The following SEC23B variants were observed in gnomAD, a reference collection of about 807,000 sequenced individuals.
The protein encoded by SEC23B is protein transport protein Sec23B.
SEC23B carries 77 observed loss-of-function variants against 104.3 expected under a neutral mutation model. The ratio of observed to expected loss-of-function variants is 0.74; its 90% CI spans 0.61 to 0.89. The LOEUF (loss-of-function observed/expected upper bound fraction) is 0.89. Ranked by LOEUF, SEC23B falls within the 40% of genes least tolerant of loss-of-function variation. SEC23B has a pLI of 0.00. For missense variants in SEC23B, 885 were observed against 949.4 expected, an observed-to-expected ratio of 0.93 and a Z score of 0.89; for synonymous variants, 338 against 332.5, an observed-to-expected ratio of 1.02 and a Z score of -0.18.
Position 18,517,555 on chromosome 20 carries a change from C to T in SEC23B, c.366+1819C>T, listed in dbSNP as rs138524274. Among the ~76,000 whole-genome samples the T allele has an allele frequency of 2.0e-4, 31 of 152,262 alleles. No homozygotes were observed. The East Asian group carries it at 6.0e-3, about 29-fold the overall frequency. On this transcript the variant is annotated intron_variant, in intron 4 of 19. Transcript: ENST00000650089. ...GCTTGGGTTCAGAGGCCTGACATTC[C>T]TGTGTTGTTATATTAATAAGAAAAG...
chr20:18,553,884 A>T (rs1264996592), intron 17 of SEC23B, among the ~76,000 whole-genome samples: 1 of 152,170 alleles, frequency 6.6e-6, no homozygotes, highest in East Asian at 1.9e-4. Context: ...TCCTTACCAG[A>T]TGTGCGGAGA....
At chr20:18,529,595 A>G (rs910423865) in intron 9 of SEC23B, among the ~76,000 whole-genome samples, 7 of 152,206 alleles carry the variant, frequency 4.6e-5, no homozygotes, top group Non-Finnish European at 8.8e-5. Flanking sequence ...CTGTGGCTCA[A>G]GACAGTTGCT....
In SEC23B at chr20:18,554,883, T is replaced by TA. The variant is rs369821255; in HGVS notation, c.2149-221dup. 3.4e-3 allele frequency among the ~76,000 whole-genome samples: 520 copies of TA among 151,432 alleles called. 2 individuals carry two copies. Among genetic ancestry groups the TA allele is most frequent in the African/African-American group, 0.012 (500 of 41,334 alleles). On this transcript the variant is annotated intron_variant, in intron 18 of 19. Transcript: ENST00000650089. ...TGCTTATGTAAAGGGATTGCCAAGATAAAATACATATTTTATGTTTTAGGA... is the reference window on the plus strand; with the variant it reads ...TGCTTATGTAAAGGGATTGCCAAGATAAAAATACATATTTTATGTTTTAGGA...
At chr20:18,538,727 TTATGTAA>T (rs2060259676) in intron 12 of SEC23B, among the ~76,000 whole-genome samples, 1 of 152,182 alleles carries the variant, frequency 6.6e-6, no homozygotes, top group Admixed American at 6.5e-5. Context: ...TCAACTAAGT[TTATGTAA>T]TATTGTAAAT....
intron 11 of SEC23B, 49 bp downstream of exon 11, chr20:18,532,793 C>T (rs191172997): frequency 5.2e-5 from 70 of 1,359,014 alleles, no homozygotes; most frequent in African/African-American, 4.1e-4. Context: ...GGATTTAACC[C>T]GTCAGAAGTG....
intron 19 of SEC23B, among the ~76,000 whole-genome samples, chr20:18,560,378 C>A (rs1022273372): frequency 6.6e-6 from 1 of 152,104 alleles, no homozygotes; most frequent in Non-Finnish European, 1.5e-5. Flanking sequence ...GGTACTTCAT[C>A]AGGACTATGG....
intron 4 of SEC23B, 87 bp downstream of exon 4, chr20:18,515,823 C>T (rs1275271258): frequency 1.4e-5 from 12 of 880,796 alleles, no homozygotes; most frequent in South Asian, 5.4e-5. Flanking sequence ...CTTACCTGGG[C>T]AGGGGACTTA....
At chr20:18,552,379 G>A (rs1480036713) in intron 17 of SEC23B, among the ~76,000 whole-genome samples, 3 of 152,224 alleles carry the variant, frequency 2.0e-5, no homozygotes, top group Non-Finnish European at 2.9e-5. Flanking sequence ...CTGAGAGCCG[G>A]ATGACCAGCT....
intron 4 of SEC23B, chr20:18,516,115 C>T (rs918660723): frequency 2.4e-4 from 60 of 245,020 alleles, no homozygotes; most frequent in Non-Finnish European, 3.8e-4. Flanking sequence ...ATCCAGAATC[C>T]ACCCACTTCC....
intron 11 of SEC23B, 120 bp from the exon 12 acceptor site, chr20:18,535,533 G>T: frequency 1.4e-6 from 1 of 717,400 alleles, no homozygotes. Flanking sequence ...CAACTTAAAT[G>T]TTCTCCTAAA....
chr20:18,517,455 CTTCTT>C (rs2060039801), intron 4 of SEC23B, among the ~76,000 whole-genome samples: 1 of 152,186 alleles, frequency 6.6e-6, no homozygotes, highest in South Asian at 2.1e-4. Flanking sequence ...GCTATTTTCA[CTTCTT>C]TTGTGAATTT....
At chr20:18,559,311 C>A (rs2060471316) in intron 19 of SEC23B, among the ~76,000 whole-genome samples, 1 of 152,172 alleles carries the variant, frequency 6.6e-6, no homozygotes, top group Non-Finnish European at 1.5e-5. Context: ...TCTGAGGCCA[C>A]CCCAGTAGGC....
intron 12 of SEC23B, among the ~76,000 whole-genome samples, chr20:18,538,311 A>G (rs1418518344): frequency 1.4e-5 from 2 of 143,154 alleles, no homozygotes; most frequent in African/African-American, 5.2e-5. Context: ...GTGCAGTGGC[A>G]TGATCTTGGC....
intron 4 of SEC23B, among the ~76,000 whole-genome samples, chr20:18,523,714 T>C (rs562793986): frequency 6.6e-6 from 1 of 151,724 alleles, no homozygotes; most frequent in South Asian, 2.1e-4. Flanking sequence ...TTTTCTTTTT[T>C]TTTTTTTTAA....
chr20:18,510,639 G>A (rs760210943), intron 1 of SEC23B, among the ~76,000 whole-genome samples, 183 bp from the exon 2 acceptor site: 2 of 152,152 alleles, frequency 1.3e-5, no homozygotes, highest in South Asian at 2.1e-4. Context: ...GGTGGCACAG[G>A]CTTGTAATCC....
chr20:18,514,757 AGT>A lies in SEC23B; in HGVS notation c.280-892_280-891del, dbSNP rs529716774. On this transcript the variant is annotated intron_variant, in intron 3 of 19. Coordinates refer to ENST00000650089, the MANE Select transcript of SEC23B (RefSeq NM_006363.6). Reference sequence around the variant, plus strand: ...TATGGGATGTTCTCAACTGTGCTTAAGTCTGGAAGGAAATCTGCCAGGAGGTT... The same window carrying A: ...TATGGGATGTTCTCAACTGTGCTTAACTGGAAGGAAATCTGCCAGGAGGTT... Among the ~76,000 whole-genome samples the A allele has an allele frequency of 4.0e-3, 615 of 152,376 alleles. 1 individual carries two copies. Among genetic ancestry groups the A allele is most frequent in the Middle Eastern group, 0.014 (4 of 294 alleles).
intron 14 of SEC23B, among the ~76,000 whole-genome samples, chr20:18,545,068 C>T (rs914438694): frequency 2.6e-5 from 4 of 152,074 alleles, no homozygotes; most frequent in Non-Finnish European, 5.9e-5. Flanking sequence ...AAAAGTGTGT[C>T]TCACGAAAAC....
At chr20:18,515,860 C>T (rs2060020158) in intron 4 of SEC23B, 124 bp downstream of exon 4, 4 of 716,250 alleles carry the variant, frequency 5.6e-6, no homozygotes, top group Non-Finnish European at 1.0e-5. Context: ...AGGATCCTAA[C>T]CTTTAGGTTT....
intron 19 of SEC23B, among the ~76,000 whole-genome samples, chr20:18,559,215 C>T (rs970675139): frequency 6.6e-6 from 1 of 152,080 alleles, no homozygotes; most frequent in African/African-American, 2.4e-5. Context: ...AGAGTTCCAG[C>T]TCCCCCATAG....
Sources: allele counts gnomAD v4.1 joint callset (sites outside exome capture counted in the v4.1 genomes callset), GRCh38; gene constraint gnomAD v4.1.1; transcripts MANE v1.5; gene names NCBI Gene and HGNC (gene_info 2026-07-23, HGNC 2026-07-21).